LRRC69: variants seen among roughly 807,000 people sequenced by gnomAD.
LRRC69 encodes leucine-rich repeat-containing protein 69.
LRRC69 carries 42 observed loss-of-function variants against 37.8 expected under a neutral mutation model. The observed-to-expected ratio is 1.11, with a 90% CI of 0.87 to 1.44. The LOEUF (loss-of-function observed/expected upper bound fraction) is 1.44, where lower values mean the gene tolerates loss of function less well. Ranked by LOEUF, LRRC69 falls within the 40% of genes most tolerant of loss-of-function variation. LRRC69 has a pLI of 0.00. For synonymous variants in LRRC69, 141 were observed against 143.1 expected (o/e 0.99, Z 0.11); for missense variants, 357 against 401.9 (o/e 0.89, Z 0.96).
At chr8:91,161,299 T>A (rs914897743) in intron 5 of LRRC69, among the ~76,000 whole-genome samples, 21 of 151,426 alleles carry the variant, frequency 1.4e-4, no homozygotes, top group African/African-American at 4.6e-4. Context: ...ATAAGGGAAA[T>A]GCTGGCCTTG....
intron 7 of LRRC69, among the ~76,000 whole-genome samples, chr8:91,218,358 T>TAGAA (rs372886171): frequency 0.76 from 115,828 of 152,016 alleles, 45,372 homozygotes; most frequent in African/African-American, 0.93. Flanking sequence ...TTGTACAAAT[T>TAGAA]ATTTTGAAGT....
At chr8:91,214,847 A>C (rs11784415) in intron 7 of LRRC69, among the ~76,000 whole-genome samples, 53,767 of 151,576 alleles carry the variant, frequency 0.35, 12,141 homozygotes, top group South Asian at 0.59. Flanking sequence ...CAGAAATTCA[A>C]CATGGGTCTC....
chr8:91,148,596 C>G (rs940058423), intron 5 of LRRC69, among the ~76,000 whole-genome samples: 6 of 151,912 alleles, frequency 3.9e-5, no homozygotes, highest in Non-Finnish European at 8.8e-5. Flanking sequence ...GGGTATATAA[C>G]CAGTAATGGG....
intron 6 of LRRC69, among the ~76,000 whole-genome samples, chr8:91,192,821 C>A (rs1354082293): frequency 1.3e-5 from 2 of 149,698 alleles, no homozygotes; most frequent in Non-Finnish European, 3.0e-5. Context: ...ATAGTAGTTT[C>A]TTTTGCTGTG....
At position 91,179,217 on chromosome 8, in the gene LRRC69, G is replaced by A. The variant is rs1312357408; in HGVS notation, c.652-10305G>A. 2.6e-5 allele frequency among the ~76,000 whole-genome samples: 4 copies of A among 152,186 alleles called. No homozygotes were observed. The South Asian group carries it at 6.2e-4, about 24-fold the overall frequency. On this transcript the variant is annotated intron_variant, in intron 5 of 7. Coordinates refer to ENST00000448384, the Ensembl canonical transcript of LRRC69. The stretch of plus-strand genomic sequence containing the variant: ...GGTTTTATTGACTTGCAGTTCAGCA[G>A]GTTGTACAGGAAGCATAGTGGCTTC...
chr8:91,157,500 T>C (rs560625290), intron 5 of LRRC69: 2 of 1,570,766 alleles, frequency 1.3e-6, no homozygotes, highest in Non-Finnish European at 1.7e-6. Flanking sequence ...GACAGAAAGA[T>C]GTAGACAAGG....
At chr8:91,145,163 T>G (rs78206148) in intron 5 of LRRC69, among the ~76,000 whole-genome samples, 149 of 152,100 alleles carry the variant, frequency 9.8e-4, no homozygotes, top group African/African-American at 3.4e-3. Context: ...AGTGAAATTG[T>G]GGTTTGCCTT....
At chr8:91,151,801 G>T (rs1223604118) in intron 5 of LRRC69, among the ~76,000 whole-genome samples, 1 of 151,164 alleles carries the variant, frequency 6.6e-6, no homozygotes, top group Non-Finnish European at 1.5e-5. Flanking sequence ...GCCTTGCCAG[G>T]ATCTGTTGTT....
chr8:91,200,499 T>A, intron 6 of LRRC69, 114 bp from the exon 7 acceptor site: 1 of 665,316 alleles, frequency 1.5e-6, no homozygotes, highest in East Asian at 3.4e-5. Context: ...AGAATCTTAA[T>A]TTAACAGAAT....
At chr8:91,111,406 C>T (rs1225358789) in intron 1 of LRRC69, among the ~76,000 whole-genome samples, 4 of 151,776 alleles carry the variant, frequency 2.6e-5, no homozygotes, top group African/African-American at 4.8e-5. Context: ...CAGTGGCAGG[C>T]GCATGTAATC....
chr8:91,189,491 G>T, intron 5 of LRRC69, 31 bp from the exon 6 acceptor site: 1 of 1,351,678 alleles, frequency 7.4e-7, no homozygotes, highest in Non-Finnish European at 1.0e-6. Context: ...TTATTTTGTT[G>T]TGCAATAAGG....
At chr8:91,206,906 T>C (rs1420049212) in intron 7 of LRRC69, 3 of 1,164,336 alleles carry the variant, frequency 2.6e-6, no homozygotes, top group South Asian at 2.9e-5. Flanking sequence ...AACTCATACA[T>C]GTTATTCCTG....
intron 5 of LRRC69, among the ~76,000 whole-genome samples, chr8:91,188,073 G>T (rs534810827): frequency 6.6e-6 from 1 of 152,146 alleles, no homozygotes; most frequent in Non-Finnish European, 1.5e-5. Flanking sequence ...CTGACTTAGA[G>T]CTGCCATTGG....
chr8:91,182,838 C>T (rs1809345820), intron 5 of LRRC69, among the ~76,000 whole-genome samples: 1 of 152,100 alleles, frequency 6.6e-6, no homozygotes, highest in Non-Finnish European at 1.5e-5. Flanking sequence ...AAATAATTAA[C>T]ATTTTAAATG....
intron 5 of LRRC69, chr8:91,158,499 T>C: frequency 1.8e-6 from 2 of 1,126,550 alleles, no homozygotes; most frequent in Non-Finnish European, 2.7e-6. Context: ...ACAATGCACA[T>C]GGGAGATGAA....
exon 2 of LRRC69, chr8:91,124,602 T>C (rs1280835341): frequency 6.5e-7 from 1 of 1,539,364 alleles, no homozygotes; most frequent in Non-Finnish European, 8.7e-7. Flanking sequence ...ATCTGTAGAT[T>C]TGCACCTGGA....
chr8:91,218,791 A>G (rs879276714), intron 7 of LRRC69, 99 bp from the exon 8 acceptor site: 1 of 693,734 alleles, frequency 1.4e-6, no homozygotes, highest in Admixed American at 3.0e-5. Flanking sequence ...CGTCTTTAGA[A>G]GTCAATGTTC....
At chr8:91,195,947 C>T (rs1309863699) in intron 6 of LRRC69, among the ~76,000 whole-genome samples, 2 of 152,208 alleles carry the variant, frequency 1.3e-5, no homozygotes, top group Admixed American at 1.3e-4. Context: ...TCCTGATGGT[C>T]TTTACATTTT....
At chr8:91,158,264 A>G in intron 5 of LRRC69, 1 of 1,548,272 alleles carries the variant, frequency 6.5e-7, no homozygotes. Context: ...TGGCCCCCTG[A>G]TTGTTTGTCG....
Sources: gnomAD v4.1 joint callset for allele counts (sites outside exome capture counted in the v4.1 genomes callset) on GRCh38, gnomAD v4.1.1 for gene constraint, MANE v1.5 for transcripts, NCBI Gene and HGNC (gene_info 2026-07-23, HGNC 2026-07-21) for gene names.